The following STARD13 variants were observed in gnomAD, a reference collection of about 807,000 sequenced individuals.
The protein encoded by STARD13 is stAR-related lipid transfer protein 13.
Under a neutral mutation model 106.4 loss-of-function variants are expected in STARD13, and 62 were observed. That is an observed-to-expected ratio of 0.58 (90% CI 0.48 to 0.72). The LOEUF is 0.72. STARD13 is among the 30% of genes least tolerant of loss of function. The pLI is 0.00. For synonymous variants in STARD13, 565 were observed against 553.0 expected (o/e 1.02, Z -0.31); for missense variants, 1,387 against 1,424.0 (o/e 0.97, Z 0.42).
the STARD13 span, among the ~76,000 whole-genome samples, chr13:33,650,854 T>G: frequency 6.6e-6 from 1 of 152,276 alleles, no homozygotes; most frequent in South Asian, 2.1e-4. Context: ...CTTTCTACCA[T>G]GTGAGGACAC....
the STARD13 span, among the ~76,000 whole-genome samples, chr13:33,433,415 T>C: frequency 6.6e-6 from 1 of 152,198 alleles, no homozygotes; most frequent in Non-Finnish European, 1.5e-5. Flanking sequence ...CAACAATCTC[T>C]ATTACATTGG....
chr13:33,496,697 T>C, the STARD13 span, among the ~76,000 whole-genome samples: 1 of 152,136 alleles, frequency 6.6e-6, no homozygotes, highest in Non-Finnish European at 1.5e-5. Flanking sequence ...CAGGTACACA[T>C]ACAGAAGAGT....
upstream of STARD13, among the ~76,000 whole-genome samples, chr13:33,287,722 G>A (rs1357889597): frequency 2.0e-5 from 3 of 152,174 alleles, no homozygotes; most frequent in South Asian, 2.1e-4. Context: ...CTTTGTGCAC[G>A]TGCTTTCGGC....
At chr13:33,549,041 A>G in the STARD13 span, among the ~76,000 whole-genome samples, 1 of 152,054 alleles carries the variant, frequency 6.6e-6, no homozygotes, top group African/African-American at 2.4e-5. Context: ...TTTTAAACTC[A>G]TGTGTTAACA....
At chr13:33,135,755 CATT>C (rs1243250322) in intron 4 of STARD13, among the ~76,000 whole-genome samples, 1 of 152,160 alleles carries the variant, frequency 6.6e-6, no homozygotes, top group Non-Finnish European at 1.5e-5. Context: ...TTTAGATATA[CATT>C]ATTACCCATG....
the STARD13 span, among the ~76,000 whole-genome samples, chr13:33,577,721 G>T: frequency 6.6e-6 from 1 of 152,002 alleles, no homozygotes. Context: ...ATCTAAAAAG[G>T]ATTATAGCCC....
chr13:33,128,880 A>C (rs543653327), intron 5 of STARD13, 49 bp downstream of exon 5: 163 of 1,540,788 alleles, frequency 1.1e-4, no homozygotes, highest in Non-Finnish European at 1.4e-4. Context: ...ACAGAACACA[A>C]TTACTATGAA....
chr13:33,178,002 G>T (rs1231660061), intron 1 of STARD13, among the ~76,000 whole-genome samples: 3 of 56,174 alleles, frequency 5.3e-5, no homozygotes, highest in African/African-American at 2.5e-4. Flanking sequence ...AGGAAGGAAG[G>T]AAGGAAGGAA....
At chr13:33,416,823 C>G in the STARD13 span, among the ~76,000 whole-genome samples, 3 of 151,866 alleles carry the variant, frequency 2.0e-5, no homozygotes, top group African/African-American at 7.3e-5. Flanking sequence ...AAAATATAAG[C>G]AACAAGATAA....
At chr13:33,144,576 T>C (rs781586070) in intron 3 of STARD13, among the ~76,000 whole-genome samples, 36 of 152,254 alleles carry the variant, frequency 2.4e-4, no homozygotes, top group Non-Finnish European at 4.9e-4. Flanking sequence ...ATGTACCCTC[T>C]GACTACGCAT....
At chr13:33,295,585 A>G (rs1892457469) in intron 1 of STARD13, among the ~76,000 whole-genome samples, 1 of 151,992 alleles carries the variant, frequency 6.6e-6, no homozygotes, top group South Asian at 2.1e-4. Context: ...GTGATGGTAC[A>G]GAGAAGAATA....
the STARD13 span, among the ~76,000 whole-genome samples, chr13:33,363,921 T>G: frequency 6.6e-6 from 1 of 152,186 alleles, no homozygotes; most frequent in Non-Finnish European, 1.5e-5. Flanking sequence ...CTTCCAAATG[T>G]TGAAATATTT....
At chr13:33,507,283 G>GT in the STARD13 span, among the ~76,000 whole-genome samples, 7 of 151,744 alleles carry the variant, frequency 4.6e-5, no homozygotes, top group Middle Eastern at 3.4e-3. Flanking sequence ...AAGCAACCAG[G>GT]TTTTTTTTAC....
chr13:33,110,643 T>G (rs1462687318), intron 11 of STARD13, 43 bp downstream of exon 11: 1 of 1,530,358 alleles, frequency 6.5e-7, no homozygotes, highest in Non-Finnish European at 9.1e-7. Context: ...GATTGTTAGC[T>G]GTGGCTTTCT....
At chr13:33,597,809 G>A in the STARD13 span, among the ~76,000 whole-genome samples, 1 of 151,574 alleles carries the variant, frequency 6.6e-6, no homozygotes, top group Non-Finnish European at 1.5e-5. Context: ...AGCTGAGATC[G>A]CGCCACTGCA....
chr13:33,310,879 G>A (rs1393517889), intron 1 of STARD13, among the ~76,000 whole-genome samples: 3 of 152,016 alleles, frequency 2.0e-5, no homozygotes, highest in African/African-American at 7.3e-5. Flanking sequence ...ATGGCCTATT[G>A]CTCCTAGGCT....
the STARD13 span, among the ~76,000 whole-genome samples, chr13:33,392,433 T>G: frequency 6.6e-6 from 1 of 152,174 alleles, no homozygotes; most frequent in Non-Finnish European, 1.5e-5. Context: ...AGAGTCTCAC[T>G]CTGTCGCCCA....
intron 1 of STARD13, among the ~76,000 whole-genome samples, chr13:33,177,751 A>G (rs199676843): frequency 0.067 from 4,084 of 60,634 alleles, 399 homozygotes; most frequent in Non-Finnish European, 0.087. Flanking sequence ...AGGAAGGAAA[A>G]AAGGAAGGAA....
At chr13:33,457,024 G>C in the STARD13 span, among the ~76,000 whole-genome samples, 1 of 152,218 alleles carries the variant, frequency 6.6e-6, no homozygotes, top group Non-Finnish European at 1.5e-5. Context: ...CCAGGGCAAA[G>C]GAACTAAAAG....
Sources: gnomAD v4.1 joint callset for allele counts (sites outside exome capture counted in the v4.1 genomes callset) on GRCh38, gnomAD v4.1.1 for gene constraint, MANE v1.5 for transcripts, NCBI Gene and HGNC (gene_info 2026-07-23, HGNC 2026-07-21) for gene names.